EEF1E1: variants seen among roughly 807,000 people sequenced by gnomAD.
The protein encoded by EEF1E1 is eukaryotic translation elongation factor 1 epsilon 1, also known as eukaryotic translation elongation factor 1 epsilon-1.
A neutral mutation model predicts 19.9 loss-of-function variants in EEF1E1; 19 were observed. The observed-to-expected ratio is 0.95, with a 90% CI of 0.66 to 1.40. The LOEUF is 1.40. Among genes scored for constraint, EEF1E1 ranks in the 40% most tolerant of loss-of-function variants. The pLI is 0.00. For synonymous variants in EEF1E1, 81 were observed against 80.0 expected (o/e 1.01, Z -0.07); for missense variants, 198 against 202.2 (o/e 0.98, Z 0.13).
chr6:8,076,891 C>T (rs868608211), downstream of EEF1E1, among the ~76,000 whole-genome samples: 14 of 151,506 alleles, frequency 9.2e-5, no homozygotes, highest in Middle Eastern at 3.5e-3. Flanking sequence ...TTTGTTGTTC[C>T]TTTTATAAAG....
intron 1 of EEF1E1, among the ~76,000 whole-genome samples, chr6:8,099,472 C>A (rs752186507): frequency 1.3e-5 from 2 of 152,210 alleles, no homozygotes; most frequent in East Asian, 3.9e-4. Flanking sequence ...TAAGGCTGGG[C>A]GCAGTGGCTC....
chr6:8,076,143 T>C (rs138233091), downstream of EEF1E1, among the ~76,000 whole-genome samples: 15 of 152,208 alleles, frequency 9.9e-5, no homozygotes, highest in African/African-American at 3.6e-4. Context: ...TGAAACCAAC[T>C]TCTTCCAAAG....
At chr6:8,086,849 A>G (rs930799621) in intron 3 of EEF1E1, among the ~76,000 whole-genome samples, 4 of 152,198 alleles carry the variant, frequency 2.6e-5, no homozygotes. Context: ...ACCTCAGACA[A>G]TGGTGTTACA....
At chr6:8,081,725 T>C (rs914367727) in intron 3 of EEF1E1, among the ~76,000 whole-genome samples, 2 of 152,212 alleles carry the variant, frequency 1.3e-5, no homozygotes, top group African/African-American at 4.8e-5. Context: ...GGAGCTTTCT[T>C]ACCAAAAATG....
downstream of EEF1E1, among the ~76,000 whole-genome samples, chr6:8,077,958 GTA>G (rs1267601267): frequency 6.6e-6 from 1 of 152,062 alleles, no homozygotes; most frequent in Non-Finnish European, 1.5e-5. Context: ...CCTAATTTTT[GTA>G]GAGACGGGGC....
At chr6:8,089,718 C>T (rs944770437) in intron 3 of EEF1E1, among the ~76,000 whole-genome samples, 1 of 152,132 alleles carries the variant, frequency 6.6e-6, no homozygotes, top group Admixed American at 6.5e-5. Context: ...ATCAAGTTGA[C>T]GCTCAGTATT....
At chr6:8,085,769 T>A (rs1757837464) in intron 3 of EEF1E1, among the ~76,000 whole-genome samples, 1 of 152,226 alleles carries the variant, frequency 6.6e-6, no homozygotes, top group Non-Finnish European at 1.5e-5. Context: ...GCCAAGGCCA[T>A]CCAAATCTTC....
intron 2 of EEF1E1, among the ~76,000 whole-genome samples, chr6:8,093,261 CAG>C (rs1382968275): frequency 2.7e-5 from 4 of 150,646 alleles, no homozygotes; most frequent in Non-Finnish European, 4.4e-5. Flanking sequence ...TACCAAAAGA[CAG>C]AGTTTCACAC....
intron 3 of EEF1E1, among the ~76,000 whole-genome samples, chr6:8,086,912 T>G (rs531579236): frequency 6.6e-6 from 1 of 152,236 alleles, no homozygotes; most frequent in African/African-American, 2.4e-5. Context: ...TAGAGAGATT[T>G]TCAAAGAATT....
chr6:8,081,989 G>A (rs530989649), intron 3 of EEF1E1, among the ~76,000 whole-genome samples: 1 of 152,250 alleles, frequency 6.6e-6, no homozygotes, highest in African/African-American at 2.4e-5. Context: ...TTATGTTCAA[G>A]TTGTTCACCC....
intron 3 of EEF1E1, among the ~76,000 whole-genome samples, chr6:8,087,545 G>T (rs570454661): frequency 6.6e-6 from 1 of 152,276 alleles, no homozygotes; most frequent in South Asian, 2.1e-4. Flanking sequence ...TAGAGATGGG[G>T]TTTCGCCATG....
chr6:8,101,821 G>T (rs918093725), intron 1 of EEF1E1: 3 of 1,289,158 alleles, frequency 2.3e-6, no homozygotes, highest in African/African-American at 1.5e-5. Context: ...ATAATCCAAG[G>T]CTTTAGAAAC....
At chr6:8,082,892 T>G (rs1487499345) in intron 3 of EEF1E1, among the ~76,000 whole-genome samples, 1 of 152,232 alleles carries the variant, frequency 6.6e-6, no homozygotes, top group Non-Finnish European at 1.5e-5. Flanking sequence ...TCACCAAATT[T>G]ACAGATTTTA....
chr6:8,100,559 C>T (rs1418300331), intron 1 of EEF1E1, among the ~76,000 whole-genome samples: 3 of 152,086 alleles, frequency 2.0e-5, no homozygotes, highest in African/African-American at 4.8e-5. Context: ...ACCGGACCTT[C>T]GGCTGATAGA....
At position 8,097,448 on chromosome 6, in the gene EEF1E1, T is replaced by C; in HGVS notation, c.107A>G (p.Asn36Ser). 6.2e-7 allele frequency: 1 copy of C among 1,613,928 alleles called. No individual in the cohort carries two copies. The highest frequency in any genetic ancestry group is 8.5e-7 in the Non-Finnish European group (1 of 1,179,946). The change falls in exon 2 of 4, where the codon AAC (asparagine) becomes AGC (serine). Residue 36 changes from asparagine to serine, a missense_variant. Physicochemically the swap from Asn to Ser is conservative, Grantham distance 46 (BLOSUM62 1). Transcript: ENST00000379715. ...GERQIPVLQT[N>S]NGPSLTGLTT... ...CAATCCTGTTAGACTTGGACCATTG[T>C]TTGTCTGAAGAACTGGAATCTTAAA...
chr6:8,077,393 C>T (rs1039494450), downstream of EEF1E1, among the ~76,000 whole-genome samples: 13 of 152,190 alleles, frequency 8.5e-5, no homozygotes, highest in African/African-American at 2.9e-4. Context: ...TGACTTCTCT[C>T]GAGCCATGGA....
At chr6:8,101,243 AATATATATATATATATAT>A (rs1216617377) in intron 1 of EEF1E1, among the ~76,000 whole-genome samples, 1 of 58,468 alleles carries the variant, frequency 1.7e-5, no homozygotes, top group Non-Finnish European at 2.9e-5. Flanking sequence ...AAAAAAAAAA[AATATATATATATATATAT>A]ATATATATAT....
intron 2 of EEF1E1, among the ~76,000 whole-genome samples, chr6:8,096,056 C>T (rs532929704): frequency 2.6e-5 from 4 of 152,326 alleles, no homozygotes; most frequent in African/African-American, 9.6e-5. Flanking sequence ...AAAACAAGAA[C>T]ATCTTAAATC....
At position 8,079,588 on chromosome 6, in the gene EEF1E1, C is replaced by T. The variant is rs940485187; in HGVS notation, c.*302G>A. ...AATATGTCAACCATTGAAATGACCA[C>T]CAATTTTAAGATTAAGCCCGATTTG... On this transcript the variant is annotated 3_prime_UTR_variant, in exon 4 of 4. Coordinates refer to ENST00000379715, the MANE Select transcript of EEF1E1 (RefSeq NM_004280.5). 10 of 1,049,228 alleles carry T rather than the reference C, an allele frequency of 9.5e-6. No homozygotes were observed. The highest frequency in any genetic ancestry group is 5.1e-5 in the Admixed American group (1 of 19,670). 65.0% of individuals were successfully genotyped at this position (1,049,228 alleles called of 1,614,324 possible). A position where few individuals can be genotyped will look rare whatever the true frequency, so the allele number is the denominator to read the frequency against.
Sources: allele counts gnomAD v4.1 joint callset (sites outside exome capture counted in the v4.1 genomes callset), GRCh38; gene constraint gnomAD v4.1.1; transcripts MANE v1.5; gene names NCBI Gene and HGNC (gene_info 2026-07-23, HGNC 2026-07-21).